Variants in CTSB observed in about 807,000 individuals in gnomAD.
CTSB encodes cathepsin B.
In CTSB, 57 loss-of-function variants were observed where a neutral mutation model predicts 44.3. The observed-to-expected ratio is 1.29, with a 90% CI of 1.04 to 1.60. The LOEUF (loss-of-function observed/expected upper bound fraction) is 1.60, where lower values mean the gene tolerates loss of function less well. Among genes scored for constraint, CTSB ranks in the 40% most tolerant of loss-of-function variants. The probability of loss-of-function intolerance (pLI) is 0.00; values close to 1 mark genes in which losing one functional copy is unlikely to be tolerated. For missense variants in CTSB, 768 were observed against 443.0 expected, an observed-to-expected ratio of 1.73 and a Z score of -6.59; for synonymous variants, 320 against 168.0, an observed-to-expected ratio of 1.91 and a Z score of -7.00.
chr8:11,845,935 G>A (rs1280857295), intron 8 of CTSB, 146 bp from the exon 9 acceptor site: 1 of 880,090 alleles, frequency 1.1e-6, no homozygotes, highest in Non-Finnish European at 1.6e-6. Flanking sequence ...TCCAGGGGGG[G>A]TCCCACAATA....
chr8:11,848,108 C>T lies in CTSB; in HGVS notation c.491G>A (p.Arg164Lys), dbSNP rs1282090580. ...YPAEAWNFWTRKGLVSGGLYE... is the reference protein window; with the variant it reads ...YPAEAWNFWTKKGLVSGGLYE... ...GAGGCCACCAGAAACCAGGCCTTTT[C>T]TTGTCCAGAAGTTCCAAGCTTCAGC... Residue 164 changes from arginine (R) to lysine (K), a missense_variant, in exon 6 of 10, where the codon AGA becomes AAA. Coordinates refer to ENST00000353047, the MANE Select transcript of CTSB (RefSeq NM_001908.5). 53 of 1,614,052 alleles carry T rather than the reference C, an allele frequency of 3.3e-5. No homozygotes were observed. Among genetic ancestry groups the T allele is most frequent in the Non-Finnish European group, 4.2e-5 (50 of 1,180,016 alleles).
At chr8:11,853,193 A>G (rs752005856) in intron 2 of CTSB, 136 bp downstream of exon 2, 1 of 1,227,512 alleles carries the variant, frequency 8.1e-7, no homozygotes, top group Non-Finnish European at 1.1e-6. Context: ...GACATGACTC[A>G]GGGTCAGGGC....
intron 1 of CTSB, among the ~76,000 whole-genome samples, chr8:11,856,276 A>G (rs1038848193): frequency 1.3e-5 from 2 of 152,192 alleles, no homozygotes; most frequent in African/African-American, 2.4e-5. Context: ...CAAGTATCCA[A>G]TAACAGAGTA....
chr8:11,851,175 AT>A (rs111617575), intron 3 of CTSB, among the ~76,000 whole-genome samples, 195 bp from the exon 4 acceptor site: 6,226 of 98,642 alleles, frequency 0.063, 180 homozygotes, highest in African/African-American at 0.13. Flanking sequence ...GCACCTTTTG[AT>A]TTTTTTTTTG....
At chr8:11,846,351 A>G (rs1229587897) in intron 8 of CTSB, 1 of 152,416 alleles carries the variant, frequency 6.6e-6, no homozygotes, top group Non-Finnish European at 1.5e-5. Flanking sequence ...GGCGAGGACT[A>G]TGCTAAGAAG....
At chr8:11,845,482 A>T (rs1813116882) in intron 9 of CTSB, among the ~76,000 whole-genome samples, 179 bp downstream of exon 9, 1 of 152,214 alleles carries the variant, frequency 6.6e-6, no homozygotes, top group Non-Finnish European at 1.5e-5. Flanking sequence ...GAAGCTGCTC[A>T]GAGTCTGCCC....
chr8:11,852,522 C>G (rs1814774287), intron 3 of CTSB, 88 bp downstream of exon 3: 1 of 1,028,182 alleles, frequency 9.7e-7, no homozygotes, highest in Admixed American at 2.1e-5. Flanking sequence ...CTGCGGACGC[C>G]AGAGAGGCCT....
rs1812723476 is a variant in CTSB, at chr8:11,843,927, A to C, written c.*1198T>G. ...AGTGCCTGTCATCCCAGCTACTCGG[A>C]AGGCTGAAGCAGGAGAATCGCTTGA... On this transcript the variant is annotated 3_prime_UTR_variant, in exon 10 of 10. Transcript: ENST00000353047. 1 of 152,216 alleles carries C rather than the reference A, an allele frequency of 6.6e-6. No individual in the cohort carries two copies. Among genetic ancestry groups the C allele is most frequent in the Non-Finnish European group, 1.5e-5 (1 of 68,048 alleles). The allele number at this position is 152,216 out of a possible 1,614,324, so 9.4% of individuals were successfully genotyped here. A position where few individuals can be genotyped will look rare whatever the true frequency, so the allele number is the denominator to read the frequency against.
In CTSB at chr8:11,849,097, T is replaced by A. The variant is rs1255274252; in HGVS notation, c.395A>T (p.Glu132Val). Reference sequence around the variant, plus strand: ...TGTGAGCAGGTCCTCCGCCGACACCTCCACGCTGACGTGCGCATTGGTGTG... The same window carrying A: ...TGTGAGCAGGTCCTCCGCCGACACCACCACGCTGACGTGCGCATTGGTGTG... ...CIHTNAHVSV[E>V]VSAEDLLTCC... The change falls in exon 5 of 10, where the codon GAG becomes GTG. Residue 132 changes from glutamate to valine, a missense_variant. Coordinates refer to ENST00000353047, the MANE Select transcript of CTSB (RefSeq NM_001908.5). The A allele has an allele frequency of 6.2e-7, 1 of 1,613,460 alleles. No individual in the cohort carries two copies. Among genetic ancestry groups the A allele is most frequent in the African/African-American group, 1.3e-5 (1 of 74,912 alleles).
chr8:11,847,781 T>G lies in CTSB; in HGVS notation c.574A>C (p.Asn192His), dbSNP rs200297566. 49 of 1,599,058 alleles carry G rather than the reference T, an allele frequency of 3.1e-5. No individual in the cohort carries two copies. The highest frequency in any genetic ancestry group is 1.3e-4 in the East Asian group (6 of 44,718). Reference sequence around the variant, plus strand: ...CCCGTGCATGGGGGCCGGGAGCCGTTGACGTGGTGCTCACAGGGAGGGATG... The same window carrying G: ...CCCGTGCATGGGGGCCGGGAGCCGTGGACGTGGTGCTCACAGGGAGGGATG... Reference protein sequence around the residue: ...YSIPPCEHHVNGSRPPCTGEG... With the variant: ...YSIPPCEHHVHGSRPPCTGEG... Residue 192 changes from asparagine to histidine, a missense_variant, in exon 7 of 10, where the codon AAC (asparagine) becomes CAC (histidine). Physicochemically the swap from Asn to His is moderately conservative, Grantham distance 68. Transcript: ENST00000353047.
In CTSB at chr8:11,845,646, G is replaced by T. The variant is rs374008504; in HGVS notation, c.922+15C>A. 12 of 1,610,546 alleles carry T rather than the reference G, an allele frequency of 7.5e-6. No individual in the cohort carries two copies. Among genetic ancestry groups the T allele is most frequent in the Non-Finnish European group, 1.0e-5 (12 of 1,177,508 alleles). On this transcript the variant is annotated intron_variant, in intron 9 of 9. Coordinates refer to ENST00000353047, the MANE Select transcript of CTSB (RefSeq NM_001908.5). ...ACAATTCACTGTTCTTGGCAGGAAGGGGGCAGCCACTCACCATTGTCACCC... is the reference window on the plus strand; with the variant it reads ...ACAATTCACTGTTCTTGGCAGGAAGTGGGCAGCCACTCACCATTGTCACCC...
intron 9 of CTSB, 49 bp downstream of exon 9, chr8:11,845,612 G>C (rs1440165534): frequency 1.9e-6 from 3 of 1,593,594 alleles, no homozygotes; most frequent in Non-Finnish European, 2.6e-6. Context: ...TGGCCACGGG[G>C]TGTGGCTCAC....
intron 1 of CTSB, among the ~76,000 whole-genome samples, chr8:11,866,188 C>A (rs1418310804): frequency 6.6e-6 from 1 of 152,172 alleles, no homozygotes; most frequent in Non-Finnish European, 1.5e-5. Context: ...TCTTCCAACT[C>A]CCAGGTCCAG....
chr8:11,851,052 T>A (rs1814505614), intron 3 of CTSB, 72 bp from the exon 4 acceptor site: 1 of 1,078,866 alleles, frequency 9.3e-7, no homozygotes, highest in Non-Finnish European at 1.4e-6. Context: ...AAAGGCCACT[T>A]TGGCTGGGCC....
chr8:11,867,063 G>C (rs921806791), intron 1 of CTSB, among the ~76,000 whole-genome samples: 5 of 152,174 alleles, frequency 3.3e-5, no homozygotes, highest in African/African-American at 1.2e-4. Context: ...TGGGGCCTGC[G>C]CTAGGGTCCT....
At chr8:11,854,469 C>T (rs980340316) in intron 1 of CTSB, among the ~76,000 whole-genome samples, 2 of 151,412 alleles carry the variant, frequency 1.3e-5, no homozygotes, top group African/African-American at 4.9e-5. Context: ...ATGAGGACAG[C>T]AAGATGGCTC....
rs774329681 is a variant in CTSB at position 11,853,487 on chromosome 8, G to C, written c.-25-8C>G. ...GCCGGATCCTAGATCCACCTGGAGA[G>C]GACAGAGGGCATCAGGACACCTCTC... is the stretch of plus-strand genomic sequence containing the variant. On this transcript the variant is annotated splice_polypyrimidine_tract_variant and splice_region_variant and intron_variant, in intron 1 of 9. Transcript: ENST00000353047. 3 of 1,605,728 alleles carry C rather than the reference G, an allele frequency of 1.9e-6. No homozygotes were observed. Among genetic ancestry groups the C allele is most frequent in the East Asian group, 2.2e-5 (1 of 44,608 alleles).
chr8:11,848,975 C>A, intron 5 of CTSB, 71 bp downstream of exon 5: 1 of 1,138,746 alleles, frequency 8.8e-7, no homozygotes. Context: ...CCTCAAAGTC[C>A]CCTCCACTGA....
intron 3 of CTSB, among the ~76,000 whole-genome samples, chr8:11,851,830 CAA>C (rs1037130193): frequency 6.6e-6 from 1 of 152,060 alleles, no homozygotes; most frequent in Non-Finnish European, 1.5e-5. Context: ...CCACGCCTGG[CAA>C]AGTTTTTTAT....
Sources: allele counts gnomAD v4.1 joint callset (sites outside exome capture counted in the v4.1 genomes callset), GRCh38; gene constraint gnomAD v4.1.1; transcripts MANE v1.5; gene names NCBI Gene and HGNC (gene_info 2026-07-23, HGNC 2026-07-21).